Variants in UBE2Z observed in about 807,000 individuals in gnomAD.
UBE2Z encodes ubiquitin-conjugating enzyme E2 Z.
Under a neutral mutation model 32.6 loss-of-function variants are expected in UBE2Z, and 10 were observed. The ratio of observed to expected loss-of-function variants is 0.31; its 90% CI spans 0.19 to 0.52. The LOEUF (loss-of-function observed/expected upper bound fraction) is 0.52. Among genes scored for constraint, UBE2Z ranks in the 20% least tolerant of loss-of-function variants. The pLI is 0.97. For missense variants in UBE2Z, 343 were observed against 480.9 expected, an observed-to-expected ratio of 0.71 and a Z score of 2.68; for synonymous variants, 183 against 190.8, an observed-to-expected ratio of 0.96 and a Z score of 0.34.
intron 3 of UBE2Z, among the ~76,000 whole-genome samples, chr17:48,913,500 G>A (rs577600148): frequency 2.6e-5 from 4 of 152,238 alleles, no homozygotes; most frequent in East Asian, 1.9e-4. Context: ...GGCTACAGGC[G>A]TGCACCACCA....
At position 48,922,908 on chromosome 17, in the gene UBE2Z, C is replaced by T. The variant is rs2040770555; in HGVS notation, c.865C>T (p.Arg289Cys). The T allele has an allele frequency of 1.9e-6, 3 of 1,612,660 alleles. No individual in the cohort carries two copies. The highest frequency in any genetic ancestry group is 2.5e-6 in the Non-Finnish European group (3 of 1,179,190). Residue 289 changes from arginine (R) to cysteine (C), a missense_variant, in exon 6 of 7, where the codon CGC (arginine) becomes TGC (cysteine). By Grantham distance (180) the Arg-to-Cys change is radical. Transcript: ENST00000360943. ...YDFYEVACKD[R>C]LHLQGQTMQD... is the part of the protein sequence containing the mutation. ...CTTCTACGAGGTGGCCTGCAAAGATCGCCTGCACCTTCAAGGCCAAACTAT... is the reference window on the plus strand; with the variant it reads ...CTTCTACGAGGTGGCCTGCAAAGATTGCCTGCACCTTCAAGGCCAAACTAT...
At chr17:48,913,058 A>T (rs1163042184) in intron 3 of UBE2Z, 37 bp downstream of exon 3, 2 of 1,599,888 alleles carry the variant, frequency 1.3e-6, no homozygotes, top group Admixed American at 1.7e-5. Context: ...GTCGGTTGTT[A>T]GCAGATAATT....
rs1371079903 is a variant in UBE2Z at position 48,928,950 on chromosome 17, T to C, written c.*1816T>C. The C allele has an allele frequency of 6.5e-6, 1 of 152,694 alleles. No homozygotes were observed. The highest frequency in any genetic ancestry group is 1.5e-5 in the Non-Finnish European group (1 of 68,044). The allele number at this position is 152,694 out of a possible 1,614,324, so 9.5% of individuals were successfully genotyped here. A position where few individuals can be genotyped will look rare whatever the true frequency, so the allele number is the denominator to read the frequency against. ...GCCCTAATCTTGAGTTGAGGAAATA[T>C]ATGCACAGGAGTCAAAGAGATGTCT... On this transcript the variant is annotated 3_prime_UTR_variant, in exon 7 of 7. Transcript: ENST00000360943.
chr17:48,921,039 G>GA, intron 4 of UBE2Z, 121 bp from the exon 5 acceptor site: 1 of 742,242 alleles, frequency 1.3e-6, no homozygotes, highest in Non-Finnish European at 2.3e-6. Context: ...CATACAGTGG[G>GA]AAAGGTATCT....
chr17:48,924,122 G>C (rs937271610), intron 6 of UBE2Z, among the ~76,000 whole-genome samples: 7 of 152,154 alleles, frequency 4.6e-5, no homozygotes, highest in Non-Finnish European at 1.5e-5. Flanking sequence ...CTCCCAAAGT[G>C]CTGGGATTAC....
chr17:48,913,092 C>T (rs1042114685), intron 3 of UBE2Z, 71 bp downstream of exon 3: 109 of 1,464,770 alleles, frequency 7.4e-5, no homozygotes, highest in African/African-American at 1.8e-4. Context: ...CTTTATCAAC[C>T]GGAGTCCCTC....
rs1035404625 is a variant in UBE2Z at position 48,908,640 on chromosome 17, G to GGGC, written c.150_152dup (p.Ala52dup). 1.6e-5 allele frequency: 20 copies of GGGC among 1,228,468 alleles called. No individual in the cohort carries two copies. The highest frequency in any genetic ancestry group is 4.3e-5 in the Admixed American group (1 of 23,026). 76.1% of individuals were successfully genotyped at this position (1,228,468 alleles called of 1,614,324 possible). On this transcript the variant is annotated inframe_insertion, in exon 1 of 7. Transcript: ENST00000360943. ...GGGCCGCCTTTCCTGCCGGATGTGT[G>GGGC]GGCGGCGGCGGCGGCAGCGGGCGGG...
At chr17:48,924,673 C>T (rs552540492) in intron 6 of UBE2Z, among the ~76,000 whole-genome samples, 1 of 151,440 alleles carries the variant, frequency 6.6e-6, no homozygotes, top group East Asian at 2.0e-4. Context: ...TGGTGAAACC[C>T]CATCTCTACT....
At chr17:48,917,292 G>A (rs554786393) in intron 4 of UBE2Z, among the ~76,000 whole-genome samples, 18 of 152,138 alleles carry the variant, frequency 1.2e-4, no homozygotes, top group African/African-American at 3.4e-4. Flanking sequence ...GCGACAGAGC[G>A]AGACACCGTC....
At chr17:48,919,432 C>T (rs886753077) in intron 4 of UBE2Z, among the ~76,000 whole-genome samples, 11 of 152,134 alleles carry the variant, frequency 7.2e-5, no homozygotes, top group Admixed American at 2.6e-4. Flanking sequence ...GCTTTCTAGA[C>T]CAAAGTTGAA....
chr17:48,926,642 C>T (rs562363600), intron 6 of UBE2Z, among the ~76,000 whole-genome samples: 2 of 152,000 alleles, frequency 1.3e-5, no homozygotes, highest in South Asian at 2.1e-4. Flanking sequence ...CCACGACACC[C>T]GGCTAATTTT....
intron 6 of UBE2Z, 63 bp from the exon 7 acceptor site, chr17:48,926,901 G>C: frequency 6.5e-7 from 1 of 1,534,854 alleles, no homozygotes; most frequent in Non-Finnish European, 8.8e-7. Flanking sequence ...GCCCGAAGTT[G>C]CTTTCTCTAG....
Position 48,920,368 on chromosome 17 carries a change from C to T in UBE2Z, c.691-792C>T, listed in dbSNP as rs752644819. Among the ~76,000 whole-genome samples the T allele has an allele frequency of 8.6e-5, 13 of 151,582 alleles. 2 individuals carry two copies. Among genetic ancestry groups the T allele is most frequent in the South Asian group, 8.3e-4 (4 of 4,800 alleles). ...AAAACTAGCTGGGCGTGGTGACAGG[C>T]GCCTGTAATCCCAGCTACTTGGAAG... On this transcript the variant is annotated intron_variant, in intron 4 of 6. Transcript: ENST00000360943.
At position 48,916,258 on chromosome 17, in the gene UBE2Z, G is replaced by GTTTTTTTTTTT. The variant is rs371253123; in HGVS notation, c.690+76_690+86dup. Reference sequence around the variant, plus strand: ...GTTTGTTTGGTTGGTTGGTTTTTTTGTTTTTTTTTTTTTTTGAGACAGAGT... The same window carrying GTTTTTTTTTTT: ...GTTTGTTTGGTTGGTTGGTTTTTTTGTTTTTTTTTTTTTTTTTTTTTTTTTTGAGACAGAGT... On this transcript the variant is annotated intron_variant, in intron 4 of 6. Coordinates refer to ENST00000360943, the MANE Select transcript of UBE2Z (RefSeq NM_023079.5). 781 of 418,202 alleles carry GTTTTTTTTTTT rather than the reference G, an allele frequency of 1.9e-3. 8 individuals are homozygous for GTTTTTTTTTTT. Among genetic ancestry groups the GTTTTTTTTTTT allele is most frequent in the Middle Eastern group, 2.6e-3 (4 of 1,516 alleles). The allele number at this position is 418,202 out of a possible 1,614,324, so 25.9% of individuals were successfully genotyped here. A position where few individuals can be genotyped will look rare whatever the true frequency, so the allele number is the denominator to read the frequency against.
Position 48,908,524 on chromosome 17 carries a change from G to A in UBE2Z, c.21G>A (p.Glu7=). 8.1e-7 allele frequency: 1 copy of A among 1,237,318 alleles called. No homozygotes were observed. The allele number at this position is 1,237,318 out of a possible 1,614,324, so 76.6% of individuals were successfully genotyped here. Residue 7 remains glutamate (E), a synonymous_variant, in exon 1 of 7, where the codon GAG becomes GAA. Transcript: ENST00000360943. MAESPT[E]EAATAGAGAA... is the part of the protein sequence containing the mutation. ...CAGCGATGGCGGAGAGTCCGACTGA[G>A]GAGGCGGCAACGGCGGGCGCCGGGG...
At chr17:48,913,844 T>C (rs75943512) in intron 3 of UBE2Z, among the ~76,000 whole-genome samples, 19 of 151,994 alleles carry the variant, frequency 1.3e-4, no homozygotes, top group Admixed American at 4.6e-4. Flanking sequence ...GCAGTGGCGG[T>C]GGTGGTGGTG....
chr17:48,922,206 G>A (rs915034956), intron 5 of UBE2Z, among the ~76,000 whole-genome samples: 1 of 151,958 alleles, frequency 6.6e-6, no homozygotes. Flanking sequence ...GACCAACATG[G>A]TGAAACCACA....
chr17:48,923,368 C>T (rs925313278), intron 6 of UBE2Z, among the ~76,000 whole-genome samples: 6 of 149,282 alleles, frequency 4.0e-5, no homozygotes, highest in Admixed American at 3.3e-4. Context: ...CGGTGGCTCA[C>T]GCCTGTAATC....
chr17:48,908,953 T>G, intron 1 of UBE2Z, 133 bp downstream of exon 1: 3 of 500,726 alleles, frequency 6.0e-6, no homozygotes, highest in Middle Eastern at 6.7e-4. Context: ...ACGGCCCAAA[T>G]CTTGCCAGCT....
Sources: gnomAD v4.1 joint callset for allele counts (sites outside exome capture counted in the v4.1 genomes callset) on GRCh38, gnomAD v4.1.1 for gene constraint, MANE v1.5 for transcripts, NCBI Gene and HGNC (gene_info 2026-07-23, HGNC 2026-07-21) for gene names.